The following NDST3 variants were observed in gnomAD, a reference collection of about 807,000 sequenced individuals.
NDST3 encodes bifunctional heparan sulfate N-deacetylase/N-sulfotransferase 3.
Under a neutral mutation model 96.1 loss-of-function variants are expected in NDST3, and 58 were observed. That is an observed-to-expected ratio of 0.60 (90% CI 0.49 to 0.75). The LOEUF (loss-of-function observed/expected upper bound fraction) is 0.75. NDST3 is among the 30% of genes least tolerant of loss of function. NDST3 has a pLI of 0.00. For synonymous variants in NDST3, 333 were observed against 359.7 expected (o/e 0.93, Z 0.84); for missense variants, 788 against 1,034.2 (o/e 0.76, Z 3.27).
intron 4 of NDST3, among the ~76,000 whole-genome samples, chr4:118,119,728 A>G (rs891670602): frequency 6.6e-6 from 1 of 152,232 alleles, no homozygotes; most frequent in African/African-American, 2.4e-5. Context: ...TGGCCATGCC[A>G]GTTATTACAA....
intron 6 of NDST3, among the ~76,000 whole-genome samples, chr4:118,168,057 G>A (rs1735676547): frequency 6.6e-6 from 1 of 151,668 alleles, no homozygotes; most frequent in African/African-American, 2.4e-5. Flanking sequence ...AAATAGACAA[G>A]TGGTGGAATT....
intron 6 of NDST3, among the ~76,000 whole-genome samples, chr4:118,155,939 T>C (rs1734684341): frequency 6.6e-6 from 1 of 152,238 alleles, no homozygotes; most frequent in Non-Finnish European, 1.5e-5. Context: ...ATGTTATTCT[T>C]TGTTCAATCC....
At chr4:118,033,341 G>C (rs1209119980), upstream of NDST3, among the ~76,000 whole-genome samples, 1 of 152,082 alleles carries the variant, frequency 6.6e-6, no homozygotes. Flanking sequence ...GCGTCGCCTC[G>C]GGGACTCGCA....
intron 6 of NDST3, among the ~76,000 whole-genome samples, chr4:118,219,104 C>T (rs568322631): frequency 6.6e-6 from 1 of 152,208 alleles, no homozygotes; most frequent in Admixed American, 6.5e-5. Flanking sequence ...ATTAAAATGG[C>T]CATACTGCCC....
At position 118,224,626 on chromosome 4, in the gene NDST3, C is replaced by T; in HGVS notation, c.1675C>T (p.His559Tyr). 1.2e-6 allele frequency: 2 copies of T among 1,610,632 alleles called. No individual in the cohort carries two copies. The highest frequency in any genetic ancestry group is 1.7e-6 in the Non-Finnish European group (2 of 1,178,284). ...GACTCTGCCTCCAGTACAACTGGCC[C>T]ACAAGTATTTTGAGCTGTTTCCTGA... ...LQTLPPVQLA[H>Y]KYFELFPDQK... is the part of the protein sequence containing the mutation. Residue 559 changes from histidine to tyrosine, a missense_variant, in exon 7 of 14, where the codon CAC becomes TAC. Coordinates refer to ENST00000296499, the MANE Select transcript of NDST3 (RefSeq NM_004784.3).
chr4:118,222,163 C>T (rs1261356944), intron 6 of NDST3, among the ~76,000 whole-genome samples: 1 of 151,692 alleles, frequency 6.6e-6, no homozygotes, highest in Non-Finnish European at 1.5e-5. Context: ...TGAGGAATTG[C>T]CAAGAAGTGA....
Position 118,034,841 on chromosome 4 carries a change from G to T in NDST3, c.-156+249G>T, listed in dbSNP as rs1578515331. Among the ~76,000 whole-genome samples, 6 of 152,248 alleles carry T rather than the reference G, an allele frequency of 3.9e-5. No individual in the cohort carries two copies. The South Asian group carries it at 1.2e-3, about 32-fold the overall frequency. ...TATGGTACTAAAGAAATGACCTCTTGTAATTGTTTAAGATATTCACCAACT... is the reference window on the plus strand; with the variant it reads ...TATGGTACTAAAGAAATGACCTCTTTTAATTGTTTAAGATATTCACCAACT... On this transcript the variant is annotated intron_variant, in intron 1 of 13. Transcript: ENST00000296499.
intron 6 of NDST3, among the ~76,000 whole-genome samples, chr4:118,183,962 T>TGGG: frequency 6.6e-6 from 1 of 152,254 alleles, no homozygotes; most frequent in Non-Finnish European, 1.5e-5. Context: ...CTCACTCAAA[T>TGGG]GCAAAGTCCT....
At chr4:118,082,827 T>C (rs1456783958) in intron 2 of NDST3, among the ~76,000 whole-genome samples, 1 of 152,160 alleles carries the variant, frequency 6.6e-6, no homozygotes, top group East Asian at 1.9e-4. Context: ...TTCCATGGGC[T>C]GTACAGGAAG....
At chr4:118,243,234 G>C (rs989363223) in intron 12 of NDST3, among the ~76,000 whole-genome samples, 3 of 151,964 alleles carry the variant, frequency 2.0e-5, no homozygotes, top group African/African-American at 7.3e-5. Context: ...TATCAATTTA[G>C]AAAGTGAGAG....
At chr4:118,081,410 TTGTGTG>T (rs3080149) in intron 2 of NDST3, among the ~76,000 whole-genome samples, 3 of 151,766 alleles carry the variant, frequency 2.0e-5, no homozygotes, top group South Asian at 2.1e-4. Context: ...ATGCAAGTGA[TTGTGTG>T]TGTGTGTGCG....
chr4:118,041,228 C>T (rs1446811000), intron 1 of NDST3, among the ~76,000 whole-genome samples: 1 of 152,114 alleles, frequency 6.6e-6, no homozygotes, highest in Non-Finnish European at 1.5e-5. Flanking sequence ...TTGATGCAGG[C>T]TGTTGGAGTT....
intron 2 of NDST3, among the ~76,000 whole-genome samples, chr4:118,058,350 G>T (rs765753510): frequency 6.0e-4 from 89 of 147,254 alleles, no homozygotes; most frequent in Non-Finnish European, 1.2e-3. Flanking sequence ...AATAATATGA[G>T]TATATTTTAA....
intron 11 of NDST3, among the ~76,000 whole-genome samples, chr4:118,241,367 T>C (rs1048897969): frequency 9.9e-5 from 15 of 152,256 alleles, no homozygotes; most frequent in Non-Finnish European, 2.1e-4. Context: ...GAAAGTTCTA[T>C]TGAACAGTGC....
intron 1 of NDST3, among the ~76,000 whole-genome samples, chr4:118,049,030 C>T (rs1724926002): frequency 6.6e-6 from 1 of 152,120 alleles, no homozygotes; most frequent in South Asian, 2.1e-4. Context: ...AGAACATTCA[C>T]CAACCTCAGT....
intron 6 of NDST3, among the ~76,000 whole-genome samples, chr4:118,157,192 G>C (rs1734765886): frequency 6.6e-6 from 1 of 151,616 alleles, no homozygotes; most frequent in Non-Finnish European, 1.5e-5. Context: ...GGAAAAAGTG[G>C]GCAATCTGAA....
At position 118,204,556 on chromosome 4, in the gene NDST3, C is replaced by A. The variant is rs572253174; in HGVS notation, c.1540-19935C>A. Among the ~76,000 whole-genome samples, 59 of 144,480 alleles carry A rather than the reference C, an allele frequency of 4.1e-4. 10 individuals are homozygous for A. In the South Asian group the frequency reaches 0.013, roughly 32 times the overall value. The allele number at this position is 144,480 out of a possible 152,430, so 94.8% of individuals were successfully genotyped here. On this transcript the variant is annotated intron_variant, in intron 6 of 13. Transcript: ENST00000296499. ...GAACAGTTGGCTGCCTCTGACTGGC[C>A]AAAACTTGGTGACTGGCACAAGAGT...
At chr4:118,090,025 G>A (rs1369878268) in intron 2 of NDST3, among the ~76,000 whole-genome samples, 1 of 151,850 alleles carries the variant, frequency 6.6e-6, no homozygotes, top group African/African-American at 2.4e-5. Flanking sequence ...AAGACCACCT[G>A]CCACTTACCA....
intron 6 of NDST3, among the ~76,000 whole-genome samples, chr4:118,179,008 T>G (rs1736436710): frequency 6.6e-6 from 1 of 151,992 alleles, no homozygotes; most frequent in African/African-American, 2.4e-5. Context: ...GCAATAGCAA[T>G]AGCCAGAATA....
Sources: gnomAD v4.1 joint callset for allele counts (sites outside exome capture counted in the v4.1 genomes callset) on GRCh38, gnomAD v4.1.1 for gene constraint, MANE v1.5 for transcripts, NCBI Gene and HGNC (gene_info 2026-07-23, HGNC 2026-07-21) for gene names.